The following CEP192 variants were observed in gnomAD, a reference collection of about 807,000 sequenced individuals.
The protein encoded by CEP192 is centrosomal protein 192.
A neutral mutation model predicts 271.8 loss-of-function variants in CEP192; 151 were observed. That is an observed-to-expected ratio of 0.56 (90% CI 0.49 to 0.64). The LOEUF (loss-of-function observed/expected upper bound fraction) is 0.64. CEP192 is among the 30% of genes least tolerant of loss of function. The pLI, the probability that CEP192 is intolerant of heterozygous loss-of-function variation, is 0.00. For missense variants in CEP192, 2,910 were observed against 3,020.5 expected (o/e 0.96, Z 0.86); for synonymous variants, 995 against 1,076.5 (o/e 0.92, Z 1.48).
intron 3 of CEP192, among the ~76,000 whole-genome samples, chr18:13,001,786 C>T (rs1043840047): frequency 3.9e-5 from 6 of 152,206 alleles, no homozygotes; most frequent in African/African-American, 1.4e-4. Context: ...TCACTGCAAC[C>T]TCTGCCTCCC....
chr18:13,015,495 C>A, intron 6 of CEP192, 47 bp downstream of exon 6: 1 of 1,537,030 alleles, frequency 6.5e-7, no homozygotes, highest in Non-Finnish European at 8.8e-7. Flanking sequence ...CTTGCCACTC[C>A]ACTTTATTCT....
intron 30 of CEP192, among the ~76,000 whole-genome samples, chr18:13,074,165 G>A (rs2038154461): frequency 6.6e-6 from 1 of 152,130 alleles, no homozygotes; most frequent in African/African-American, 2.4e-5. Context: ...GTTAAAGAGG[G>A]GATGTGATAA....
At chr18:12,991,755 C>T (rs1015346652) in intron 1 of CEP192, among the ~76,000 whole-genome samples, 4 of 152,262 alleles carry the variant, frequency 2.6e-5, no homozygotes, top group African/African-American at 9.6e-5. Flanking sequence ...TGTCTGGGGA[C>T]TTCCACCTCT....
chr18:13,097,915 A>G (rs1280628536), intron 36 of CEP192, among the ~76,000 whole-genome samples: 3 of 151,938 alleles, frequency 2.0e-5, no homozygotes, highest in Non-Finnish European at 2.9e-5. Context: ...AATCCATTCA[A>G]CCCTGAGTGG....
chr18:13,073,667 G>A (rs1010901962), intron 30 of CEP192, among the ~76,000 whole-genome samples: 4 of 152,276 alleles, frequency 2.6e-5, no homozygotes, highest in African/African-American at 7.2e-5. Context: ...CAGCAGATGC[G>A]GCATCTGGTG....
chr18:13,089,613 A>G (rs528982802), intron 33 of CEP192, 48 bp downstream of exon 33: 6 of 918,942 alleles, frequency 6.5e-6, no homozygotes, highest in African/African-American at 1.6e-5. Flanking sequence ...TGGGTCATTT[A>G]TAGTATTATC....
At chr18:13,073,622 A>G (rs1271710439) in intron 30 of CEP192, among the ~76,000 whole-genome samples, 1 of 152,232 alleles carries the variant, frequency 6.6e-6, no homozygotes, top group Admixed American at 6.5e-5. Flanking sequence ...TATTGCTCAC[A>G]GTTCTGGAGG....
intron 36 of CEP192, among the ~76,000 whole-genome samples, chr18:13,097,663 T>TA (rs1300974315): frequency 4.1e-5 from 6 of 146,820 alleles, no homozygotes; most frequent in Non-Finnish European, 4.5e-5. Flanking sequence ...TTTTTTTTTT[T>TA]ATTGATCATT....
intron 21 of CEP192, among the ~76,000 whole-genome samples, chr18:13,060,355 A>G (rs1401890135): frequency 6.6e-6 from 1 of 152,224 alleles, no homozygotes; most frequent in Non-Finnish European, 1.5e-5. Context: ...AAAATGGTAC[A>G]TTTTATAGGG....
At chr18:13,124,429 G>A in intron 44 of CEP192, 2 of 467,552 alleles carry the variant, frequency 4.3e-6, no homozygotes, top group Non-Finnish European at 7.6e-6. Context: ...ATGCAATACT[G>A]TTTTAATCCA....
chr18:13,096,886 G>T (rs901769565), intron 36 of CEP192, among the ~76,000 whole-genome samples: 1 of 152,196 alleles, frequency 6.6e-6, no homozygotes, highest in African/African-American at 2.4e-5. Flanking sequence ...TCCACAGCCT[G>T]GTTGTTGATA....
chr18:12,994,005 G>A (rs1402463369), intron 1 of CEP192, among the ~76,000 whole-genome samples: 2 of 152,140 alleles, frequency 1.3e-5, no homozygotes, highest in Non-Finnish European at 2.9e-5. Context: ...ATTTATAGGG[G>A]TTAAAGTTAA....
intron 1 of CEP192, among the ~76,000 whole-genome samples, chr18:12,996,428 TC>T (rs2145752455): frequency 6.6e-6 from 1 of 152,144 alleles, no homozygotes; most frequent in Non-Finnish European, 1.5e-5. Flanking sequence ...TTAATTGGAA[TC>T]AAGATTCAAA....
At position 13,066,954 on chromosome 18, in the gene CEP192, T is replaced by G. The variant is rs145324187; in HGVS notation, c.4489-877T>G. On this transcript the variant is annotated intron_variant, in intron 21 of 44. Transcript: ENST00000506447. Reference sequence around the variant, plus strand: ...TGTTTGGCTAGAGCAAAACAAAATGTGAGCACGTCTGTGTGTGTGTGTGTG... The same window carrying G: ...TGTTTGGCTAGAGCAAAACAAAATGGGAGCACGTCTGTGTGTGTGTGTGTG... Among the ~76,000 whole-genome samples, 27 of 141,944 alleles carry G rather than the reference T, an allele frequency of 1.9e-4. No individual in the cohort carries two copies. In the East Asian group the frequency reaches 2.6e-3, roughly 13 times the overall value. 93.1% of individuals were successfully genotyped at this position (141,944 alleles called of 152,430 possible). A position where few individuals can be genotyped will look rare whatever the true frequency, so the allele number is the denominator to read the frequency against.
chr18:13,110,456 C>T (rs949584895), intron 40 of CEP192, among the ~76,000 whole-genome samples: 2 of 150,568 alleles, frequency 1.3e-5, no homozygotes, highest in African/African-American at 4.9e-5. Context: ...AATAAGGGCA[C>T]CAAGACAGTT....
At chr18:13,124,407 G>A in intron 44 of CEP192, 1 of 399,052 alleles carries the variant, frequency 2.5e-6, no homozygotes, top group Non-Finnish European at 4.5e-6. Flanking sequence ...GGATAGCCAG[G>A]AATACATACG....
intron 30 of CEP192, among the ~76,000 whole-genome samples, chr18:13,075,448 C>T (rs987057336): frequency 6.6e-6 from 1 of 152,172 alleles, no homozygotes; most frequent in Non-Finnish European, 1.5e-5. Context: ...CACCTGTAGT[C>T]CCAGCTACTC....
chr18:13,096,504 C>T (rs1040630820), intron 36 of CEP192, among the ~76,000 whole-genome samples, 197 bp downstream of exon 36: 13 of 152,210 alleles, frequency 8.5e-5, no homozygotes, highest in Admixed American at 8.5e-4. Context: ...GAGATCTGCA[C>T]ACAGCTGGTT....
intron 5 of CEP192, among the ~76,000 whole-genome samples, chr18:13,013,830 G>A (rs1329956540): frequency 6.6e-6 from 1 of 152,176 alleles, no homozygotes; most frequent in Non-Finnish European, 1.5e-5. Context: ...CTTATAAAAA[G>A]GAGGTACACC....
Sources: allele counts gnomAD v4.1 joint callset (sites outside exome capture counted in the v4.1 genomes callset), GRCh38; gene constraint gnomAD v4.1.1; transcripts MANE v1.5; gene names NCBI Gene and HGNC (gene_info 2026-07-23, HGNC 2026-07-21).